Variants in PRSS12 observed in about 807,000 individuals in gnomAD.
The protein encoded by PRSS12 is neurotrypsin.
Under a neutral mutation model 104.4 loss-of-function variants are expected in PRSS12, and 85 were observed. The observed-to-expected ratio is 0.81, with a 90% CI of 0.68 to 0.98. The LOEUF is 0.98. PRSS12 is among the 50% of genes least tolerant of loss of function. The probability of loss-of-function intolerance (pLI) is 0.00; values close to 1 mark genes in which losing one functional copy is unlikely to be tolerated. For synonymous variants in PRSS12, 454 were observed against 425.2 expected (o/e 1.07, Z -0.83); for missense variants, 1,141 against 1,139.2 (o/e 1.00, Z -0.02).
Position 118,294,991 on chromosome 4 carries a change from C to G in PRSS12, c.1987G>C (p.Ala663Pro), listed in dbSNP as rs1344644863. ...SHGDGRLLCG[A>P]TLLSSCWVLT... ...ACCCAGCAGCTACTCAGGAGCGTAGCCCCGCAGAGGAGCCTGCCATCTCCA... is the reference window on the plus strand; with the variant it reads ...ACCCAGCAGCTACTCAGGAGCGTAGGCCCGCAGAGGAGCCTGCCATCTCCA... Residue 663 changes from alanine (A) to proline (P), a missense_variant, in exon 11 of 13, where the codon GCT becomes CCT. Coordinates refer to ENST00000296498, the MANE Select transcript of PRSS12 (RefSeq NM_003619.4). 2 of 1,614,008 alleles carry G rather than the reference C, an allele frequency of 1.2e-6. No individual in the cohort carries two copies. The highest frequency in any genetic ancestry group is 1.7e-6 in the Non-Finnish European group (2 of 1,180,028).
chr4:118,312,037 G>A (rs954280498), intron 7 of PRSS12, among the ~76,000 whole-genome samples: 2 of 151,936 alleles, frequency 1.3e-5, no homozygotes, highest in African/African-American at 4.8e-5. Context: ...GGGAAAAGGA[G>A]AACAAAATGA....
At chr4:118,331,619 C>G (rs760143578) in intron 4 of PRSS12, 97 bp downstream of exon 4, 14 of 1,511,228 alleles carry the variant, frequency 9.3e-6, no homozygotes, top group Non-Finnish European at 1.3e-5. Flanking sequence ...CCCATTTGTT[C>G]AAGGAAATGT....
intron 4 of PRSS12, among the ~76,000 whole-genome samples, chr4:118,322,775 G>A (rs4833572): frequency 0.28 from 42,274 of 151,620 alleles, 6,323 homozygotes; most frequent in East Asian, 0.39. Context: ...CTTTTTACAG[G>A]GAAGATACAG....
At chr4:118,291,423 A>G (rs1743124778) in intron 11 of PRSS12, among the ~76,000 whole-genome samples, 1 of 152,204 alleles carries the variant, frequency 6.6e-6, no homozygotes, top group Non-Finnish European at 1.5e-5. Flanking sequence ...TTCCTCCCAC[A>G]TATAGCCCAT....
At chr4:118,305,435 G>C (rs1287016209) in intron 8 of PRSS12, among the ~76,000 whole-genome samples, 2 of 151,994 alleles carry the variant, frequency 1.3e-5, no homozygotes, top group Non-Finnish European at 2.9e-5. Flanking sequence ...ACTTAATCTA[G>C]AGTGTGTTTC....
rs1255609939 is a variant in PRSS12, at chr4:118,280,839, A to G, written c.*1097T>C. ...CTGGAGTTTGGAATCAGTTTCACCA[A>G]CTGGTCTCACTTTGAGGCAAGCCTG... On this transcript the variant is annotated 3_prime_UTR_variant, in exon 13 of 13. Coordinates refer to ENST00000296498, the MANE Select transcript of PRSS12 (RefSeq NM_003619.4). 6.6e-6 allele frequency: 1 copy of G among 152,218 alleles called. No individual in the cohort carries two copies. Among genetic ancestry groups the G allele is most frequent in the African/African-American group, 2.4e-5 (1 of 41,444 alleles). 9.4% of individuals were successfully genotyped at this position (152,218 alleles called of 1,614,324 possible).
intron 11 of PRSS12, among the ~76,000 whole-genome samples, chr4:118,289,924 G>A (rs1227149651): frequency 6.6e-6 from 1 of 152,112 alleles, no homozygotes. Context: ...ATCTTAAACT[G>A]TGCAAATAAT....
In PRSS12 at chr4:118,352,752, C is replaced by G; in HGVS notation, c.-32G>C. The G allele has an allele frequency of 6.2e-7, 1 of 1,610,952 alleles. No homozygotes were observed. Among genetic ancestry groups the G allele is most frequent in the South Asian group, 1.1e-5 (1 of 90,538 alleles). The stretch of plus-strand genomic sequence containing the variant: ...AGCGCTGCGGGGTCTGGTCCATGCT[C>G]CCCAGCTTCTCGGGCTTGGAGCGGA... On this transcript the variant is annotated 5_prime_UTR_variant, in exon 1 of 13. Transcript: ENST00000296498.
chr4:118,317,120 G>A (rs546903548), intron 5 of PRSS12, among the ~76,000 whole-genome samples: 18 of 151,908 alleles, frequency 1.2e-4, no homozygotes, highest in Non-Finnish European at 1.6e-4. Context: ...AAGACAGTCT[G>A]TCATGTCAAT....
intron 10 of PRSS12, 29 bp from the exon 11 acceptor site, chr4:118,295,090 G>A (rs376037431): frequency 3.1e-6 from 5 of 1,611,868 alleles, no homozygotes; most frequent in African/African-American, 1.3e-5. Flanking sequence ...ACACATCAAC[G>A]TCAGTAAAAG....
rs1464280589 is a variant in PRSS12, at chr4:118,335,603, A to T, written c.690T>A (p.Ile230=). The change falls in exon 3 of 13, where the codon ATT becomes ATA. Residue 230 remains isoleucine, a synonymous_variant. Transcript: ENST00000296498. ...AACGGACATTGCTCCAATAAATGGG[A>T]ATAAGGCCCAGTCCAGAAAACGGGG... ...KQTPFSGLGL[I]PIYWSNVRCR... is the part of the protein sequence containing the mutation. 6.2e-7 allele frequency: 1 copy of T among 1,613,996 alleles called. No homozygotes were observed. Among genetic ancestry groups the T allele is most frequent in the East Asian group, 2.2e-5 (1 of 44,894 alleles).
At chr4:118,328,392 G>C (rs933592959) in intron 4 of PRSS12, among the ~76,000 whole-genome samples, 1 of 152,172 alleles carries the variant, frequency 6.6e-6, no homozygotes, top group South Asian at 2.1e-4. Flanking sequence ...CAATGAGCTA[G>C]TGTTTGAGAA....
At position 118,335,523 on chromosome 4, in the gene PRSS12, C is replaced by A. The variant is rs140891713; in HGVS notation, c.770G>T (p.Gly257Val). The change falls in exon 3 of 13, where the codon GGG becomes GTG. Residue 257 changes from glycine (G) to valine (V), a missense_variant. Coordinates refer to ENST00000296498, the MANE Select transcript of PRSS12 (RefSeq NM_003619.4). The part of the protein sequence containing the change: ...LLCEKDIWQG[G>V]VCPQKMAAAV... ...AGCTGCCATCTTCTGAGGACACACC[C>A]CACCCTGCCAGATGTCTTTTTCACA... 9.3e-6 allele frequency: 15 copies of A among 1,613,930 alleles called. No homozygotes were observed. In the African/African-American group the frequency reaches 1.7e-4, roughly 19 times the overall value.
chr4:118,340,934 AGTTTT>A (rs1226322162), intron 1 of PRSS12, among the ~76,000 whole-genome samples: 3 of 152,112 alleles, frequency 2.0e-5, no homozygotes, highest in Non-Finnish European at 4.4e-5. Context: ...GGCCTCTTTG[AGTTTT>A]GTTTTGTTTT....
At chr4:118,295,091 T>G in intron 10 of PRSS12, 30 bp from the exon 11 acceptor site, 1 of 1,612,230 alleles carries the variant, frequency 6.2e-7, no homozygotes, top group South Asian at 1.1e-5. Context: ...CACATCAACG[T>G]CAGTAAAAGG....
chr4:118,335,395 C>G, intron 3 of PRSS12, 78 bp downstream of exon 3: 1 of 1,525,798 alleles, frequency 6.6e-7, no homozygotes, highest in South Asian at 1.2e-5. Context: ...ATGATTATAA[C>G]TAAGACACTT....
chr4:118,348,156 G>C (rs1035885401), intron 1 of PRSS12, among the ~76,000 whole-genome samples: 5 of 152,150 alleles, frequency 3.3e-5, no homozygotes, highest in African/African-American at 9.7e-5. Context: ...TTGATCCTGA[G>C]AGGCAGAGGT....
At chr4:118,309,916 T>C (rs961398946) in intron 7 of PRSS12, among the ~76,000 whole-genome samples, 1 of 152,244 alleles carries the variant, frequency 6.6e-6, no homozygotes, top group African/African-American at 2.4e-5. Context: ...TCCATCCTTC[T>C]GTGTTGCCCC....
At chr4:118,329,203 C>A (rs1204083016) in intron 4 of PRSS12, among the ~76,000 whole-genome samples, 1 of 152,162 alleles carries the variant, frequency 6.6e-6, no homozygotes, top group Non-Finnish European at 1.5e-5. Flanking sequence ...CACCTGGCCA[C>A]AACATGGATT....
Sources: gnomAD v4.1 joint callset for allele counts (sites outside exome capture counted in the v4.1 genomes callset) on GRCh38, gnomAD v4.1.1 for gene constraint, MANE v1.5 for transcripts, NCBI Gene and HGNC (gene_info 2026-07-23, HGNC 2026-07-21) for gene names.